The following CSRNP3 variants were observed in gnomAD, a reference collection of about 807,000 sequenced individuals.
The protein encoded by CSRNP3 is cysteine and serine rich nuclear protein 3.
Under a neutral mutation model 48.0 loss-of-function variants are expected in CSRNP3, and 12 were observed. The ratio of observed to expected loss-of-function variants is 0.25; its 90% CI spans 0.16 to 0.41. The LOEUF (loss-of-function observed/expected upper bound fraction) is 0.41, where lower values mean the gene tolerates loss of function less well. Among genes scored for constraint, CSRNP3 ranks in the 10% least tolerant of loss-of-function variants. CSRNP3 has a pLI of 1.00. For missense variants in CSRNP3, 580 were observed against 724.4 expected (o/e 0.80, Z 2.29); for synonymous variants, 263 against 269.7 (o/e 0.98, Z 0.24).
intron 3 of CSRNP3, among the ~76,000 whole-genome samples, chr2:165,593,037 G>A (rs1003506494): frequency 9.9e-5 from 15 of 151,854 alleles, no homozygotes; most frequent in African/African-American, 3.1e-4. Flanking sequence ...TCCTGACCTC[G>A]TGATCCGCCC....
intron 2 of CSRNP3, among the ~76,000 whole-genome samples, chr2:165,513,932 T>C (rs956363034): frequency 6.6e-6 from 1 of 152,246 alleles, no homozygotes; most frequent in Non-Finnish European, 1.5e-5. Context: ...TCTAGATGAC[T>C]TTCTCAATTA....
chr2:165,509,979 C>G (rs1684480295), intron 2 of CSRNP3, among the ~76,000 whole-genome samples: 1 of 152,068 alleles, frequency 6.6e-6, no homozygotes. Flanking sequence ...TTAGTTTTCT[C>G]TGATGTTTTC....
intron 1 of CSRNP3, among the ~76,000 whole-genome samples, chr2:165,471,370 T>G (rs768943600): frequency 6.6e-6 from 1 of 151,964 alleles, no homozygotes; most frequent in African/African-American, 2.4e-5. Flanking sequence ...CACCCCAAGA[T>G]TGAAATTCAA....
At chr2:165,640,140 A>G (rs1686700059) in intron 4 of CSRNP3, among the ~76,000 whole-genome samples, 1 of 152,224 alleles carries the variant, frequency 6.6e-6, no homozygotes, top group African/African-American at 2.4e-5. Context: ...TGTGAATTCA[A>G]ATTATATAAA....
At chr2:165,471,432 A>T (rs1339989106) in intron 1 of CSRNP3, among the ~76,000 whole-genome samples, 1 of 152,062 alleles carries the variant, frequency 6.6e-6, no homozygotes, top group African/African-American at 2.4e-5. Flanking sequence ...AGAGGAAATA[A>T]ATCAATGCAG....
At chr2:165,642,161 T>C (rs373305631) in intron 4 of CSRNP3, among the ~76,000 whole-genome samples, 3 of 149,954 alleles carry the variant, frequency 2.0e-5, no homozygotes, top group African/African-American at 7.3e-5. Flanking sequence ...ATAATGTATG[T>C]ATTGCCCTAT....
chr2:165,555,831 G>A (rs925764450), intron 3 of CSRNP3, among the ~76,000 whole-genome samples: 5 of 152,048 alleles, frequency 3.3e-5, no homozygotes, highest in African/African-American at 1.2e-4. Flanking sequence ...ATGAAGGCAT[G>A]AGGTTGCATT....
At position 165,676,384 on chromosome 2, in the gene CSRNP3, A is replaced by G. The variant is rs377058956; in HGVS notation, c.481A>G (p.Ile161Val). 4 of 1,614,118 alleles carry G rather than the reference A, an allele frequency of 2.5e-6. No homozygotes were observed. The highest frequency in any genetic ancestry group is 3.4e-6 in the Non-Finnish European group (4 of 1,179,940). Residue 161 changes from isoleucine (I) to valine (V), a missense_variant, in exon 6 of 7, where the codon ATT becomes GTT. Coordinates refer to ENST00000651982, the MANE Select transcript of CSRNP3 (RefSeq NM_001172173.2). ...LTLDDISDDD[I>V]DLDNTEVDEY... ...ACTGGATGACATTTCTGATGATGAC[A>G]TTGACCTGGACAACACAGAGGTAGA...
intron 4 of CSRNP3, among the ~76,000 whole-genome samples, chr2:165,627,451 G>C (rs978547201): frequency 6.6e-6 from 1 of 151,732 alleles, no homozygotes. Flanking sequence ...TTTCTCTTTC[G>C]TTCTGGGCCC....
rs988582215 is a variant in CSRNP3 at position 165,685,938 on chromosome 2, G to A, written c.*6185G>A. 5 of 152,050 alleles carry A rather than the reference G, an allele frequency of 3.3e-5. No homozygotes were observed. Among genetic ancestry groups the A allele is most frequent in the African/African-American group, 1.2e-4 (5 of 41,430 alleles). The allele number at this position is 152,050 out of a possible 1,614,324, so 9.4% of individuals were successfully genotyped here. On this transcript the variant is annotated 3_prime_UTR_variant, in exon 7 of 7. Transcript: ENST00000651982. ...TGTGAGGCCATTTAAATATTTTTAA[G>A]ATAATGTATATTGATTAGAAAGGGT...
intron 3 of CSRNP3, among the ~76,000 whole-genome samples, chr2:165,530,412 A>G (rs565787259): frequency 4.9e-4 from 75 of 152,298 alleles, no homozygotes; most frequent in African/African-American, 1.7e-3. Flanking sequence ...TTACAATTCC[A>G]GATGAAGAAT....
intron 3 of CSRNP3, among the ~76,000 whole-genome samples, chr2:165,587,309 C>T (rs1031000637): frequency 6.6e-6 from 1 of 152,128 alleles, no homozygotes; most frequent in Non-Finnish European, 1.5e-5. Flanking sequence ...GTGGCCAAGA[C>T]GTGAATTCAT....
chr2:165,553,024 T>G (rs912135273), intron 3 of CSRNP3, among the ~76,000 whole-genome samples: 3 of 152,182 alleles, frequency 2.0e-5, no homozygotes, highest in African/African-American at 7.2e-5. Flanking sequence ...AATATCAACG[T>G]TCATGTAGAT....
intron 4 of CSRNP3, among the ~76,000 whole-genome samples, chr2:165,646,244 G>A (rs1040849573): frequency 2.6e-5 from 4 of 152,092 alleles, no homozygotes; most frequent in African/African-American, 9.7e-5. Context: ...AAAAGTTCAA[G>A]TATGTGGTTT....
At chr2:165,624,468 C>T (rs914269318) in intron 4 of CSRNP3, among the ~76,000 whole-genome samples, 1 of 152,124 alleles carries the variant, frequency 6.6e-6, no homozygotes, top group Non-Finnish European at 1.5e-5. Flanking sequence ...TCCTCACTTT[C>T]GGGGATTTAA....
chr2:165,623,025 A>G (rs570599325), intron 4 of CSRNP3, among the ~76,000 whole-genome samples: 1 of 152,330 alleles, frequency 6.6e-6, no homozygotes, highest in South Asian at 2.1e-4. Flanking sequence ...CTGTATCTGC[A>G]GGTTCTGCAG....
chr2:165,568,912 G>T (rs1019572910), intron 3 of CSRNP3, among the ~76,000 whole-genome samples: 13 of 151,844 alleles, frequency 8.6e-5, no homozygotes, highest in African/African-American at 3.1e-4. Context: ...TCTGATTTTA[G>T]CAGATATATT....
intron 3 of CSRNP3, among the ~76,000 whole-genome samples, chr2:165,588,188 C>T (rs2105289140): frequency 6.6e-6 from 1 of 152,142 alleles, no homozygotes; most frequent in South Asian, 2.1e-4. Flanking sequence ...GTCCTAAAGA[C>T]AGAGAGAAAT....
intron 5 of CSRNP3, among the ~76,000 whole-genome samples, chr2:165,660,479 G>T (rs1292918381): frequency 6.6e-6 from 1 of 152,138 alleles, no homozygotes. Context: ...CCTCTCTGGG[G>T]TCTGGTACTG....
Sources: allele counts gnomAD v4.1 joint callset (sites outside exome capture counted in the v4.1 genomes callset), GRCh38; gene constraint gnomAD v4.1.1; transcripts MANE v1.5; gene names NCBI Gene and HGNC (gene_info 2026-07-23, HGNC 2026-07-21).